Variants in CSRNP2 observed in about 807,000 individuals in gnomAD.
CSRNP2 encodes the protein cysteine/serine-rich nuclear protein 2.
Under a neutral mutation model 36.6 loss-of-function variants are expected in CSRNP2, and 11 were observed. That is an observed-to-expected ratio of 0.30 (90% CI 0.19 to 0.50). The LOEUF is 0.50. Ranked by LOEUF, CSRNP2 falls within the 20% of genes least tolerant of loss-of-function variation. CSRNP2 has a pLI of 0.98. For missense variants in CSRNP2, 483 were observed against 691.4 expected, an observed-to-expected ratio of 0.70 and a Z score of 3.38; for synonymous variants, 248 against 275.3, an observed-to-expected ratio of 0.90 and a Z score of 0.98.
intron 4 of CSRNP2, among the ~76,000 whole-genome samples, 182 bp from the exon 5 acceptor site, chr12:51,064,851 C>T (rs1260725825): frequency 6.6e-6 from 1 of 152,098 alleles, no homozygotes; most frequent in Non-Finnish European, 1.5e-5. Flanking sequence ...GTTATCAGAC[C>T]ACTTGCATTT....
intron 1 of CSRNP2, among the ~76,000 whole-genome samples, chr12:51,081,190 AG>A (rs1213164146): frequency 2.0e-5 from 3 of 152,192 alleles, no homozygotes; most frequent in African/African-American, 7.2e-5. Context: ...TGGGAGGCTA[AG>A]GCGGGAGGAT....
chr12:51,082,782 C>T (rs958210842), intron 1 of CSRNP2: 3 of 152,142 alleles, frequency 2.0e-5, no homozygotes, highest in Non-Finnish European at 4.4e-5. Flanking sequence ...CATCAGGAAC[C>T]GGAGCGAAGG....
In CSRNP2 at chr12:51,063,299, A is replaced by G. The variant is rs1937760323; in HGVS notation, c.*447T>C. 1 of 152,616 alleles carries G rather than the reference A, an allele frequency of 6.6e-6. No individual in the cohort carries two copies. Among genetic ancestry groups the G allele is most frequent in the Non-Finnish European group, 1.5e-5 (1 of 68,410 alleles). 9.5% of individuals were successfully genotyped at this position (152,616 alleles called of 1,614,324 possible). A position where few individuals can be genotyped will look rare whatever the true frequency, so the allele number is the denominator to read the frequency against. ...TCGACCAGGTGACTTTCCAGTTTGA[A>G]GTATTATGACACACCAAAATGGGAT... On this transcript the variant is annotated 3_prime_UTR_variant, in exon 5 of 5. Coordinates refer to ENST00000228515, the MANE Select transcript of CSRNP2 (RefSeq NM_030809.3).
At position 51,061,243 on chromosome 12, in the gene CSRNP2, C is replaced by CTCT. The variant is rs1259680589; in HGVS notation, c.*2500_*2502dup. Reference sequence around the variant, plus strand: ...TTCTTTAATATTACATTTAAATATTCTCTTTAAATACAGCATTATCACAAT... The same window carrying CTCT: ...TTCTTTAATATTACATTTAAATATTCTCTTCTTTAAATACAGCATTATCACAAT... On this transcript the variant is annotated 3_prime_UTR_variant, in exon 5 of 5. Transcript: ENST00000228515. The CTCT allele has an allele frequency of 6.6e-6, 1 of 152,502 alleles. No individual in the cohort carries two copies. Among genetic ancestry groups the CTCT allele is most frequent in the Non-Finnish European group, 1.5e-5 (1 of 68,028 alleles). 9.4% of individuals were successfully genotyped at this position (152,502 alleles called of 1,614,324 possible).
rs1168350105 is a variant in CSRNP2, at chr12:51,076,611, C to T, written c.-50G>A. The T allele has an allele frequency of 6.2e-7, 1 of 1,606,906 alleles. No individual in the cohort carries two copies. Among genetic ancestry groups the T allele is most frequent in the East Asian group, 2.2e-5 (1 of 44,796 alleles). ...GAGCCCACCAAGTTGGCCCCAAAGC[C>T]CCTACTCACCACCAGCTAGCCAGGT... On this transcript the variant is annotated 5_prime_UTR_variant, in exon 2 of 5. Coordinates refer to ENST00000228515, the MANE Select transcript of CSRNP2 (RefSeq NM_030809.3).
rs186392323 is a variant in CSRNP2 at position 51,061,230 on chromosome 12, A to C, written c.*2516T>G. The C allele has an allele frequency of 5.9e-5, 9 of 152,728 alleles. No individual in the cohort carries two copies. In the East Asian group the frequency reaches 1.3e-3, roughly 23 times the overall value. The allele number at this position is 152,728 out of a possible 1,614,324, so 9.5% of individuals were successfully genotyped here. A position where few individuals can be genotyped will look rare whatever the true frequency, so the allele number is the denominator to read the frequency against. On this transcript the variant is annotated 3_prime_UTR_variant, in exon 5 of 5. Transcript: ENST00000228515. ...TTCTTTTGAATATTTCTTTAATATTACATTTAAATATTCTCTTTAAATACA... is the reference window on the plus strand; with the variant it reads ...TTCTTTTGAATATTTCTTTAATATTCCATTTAAATATTCTCTTTAAATACA...
At chr12:51,079,420 AG>A (rs1398407040) in intron 1 of CSRNP2, among the ~76,000 whole-genome samples, 1 of 151,134 alleles carries the variant, frequency 6.6e-6, no homozygotes, top group Non-Finnish European at 1.5e-5. Context: ...TGTAGCGGGG[AG>A]GGGGAGCCCC....
chr12:51,073,038 T>C (rs191271347), intron 3 of CSRNP2, among the ~76,000 whole-genome samples: 122 of 152,066 alleles, frequency 8.0e-4, no homozygotes, highest in Non-Finnish European at 1.5e-3. Context: ...CTGGGCAACG[T>C]TGCAAGATCC....
chr12:51,064,134 C>G lies in CSRNP2; in HGVS notation c.1244G>C (p.Gly415Ala). The G allele has an allele frequency of 1.2e-6, 2 of 1,614,186 alleles. No individual in the cohort carries two copies. The highest frequency in any genetic ancestry group is 1.7e-6 in the Non-Finnish European group (2 of 1,180,042). The stretch of plus-strand genomic sequence containing the variant: ...CTCCACTTGATAATAGACCAGGGGC[C>G]CACTGTTCAAGTAGGATGGGCTGTT... ...TVNSPSYLNS[G>A]PLVYYQVEQR... The change falls in exon 5 of 5, where the codon GGG (glycine) becomes GCG (alanine). Residue 415 changes from glycine (G) to alanine (A), a missense_variant. By Grantham distance (60) the Gly-to-Ala change is moderately conservative (BLOSUM62 0). Around this residue, in one of 2 missense-constraint regions of CSRNP2, gnomAD observed 277 missense variants for 323.6 expected, o/e 0.86. Coordinates refer to ENST00000228515, the MANE Select transcript of CSRNP2 (RefSeq NM_030809.3).
At chr12:51,082,284 G>A (rs112017092) in intron 1 of CSRNP2, among the ~76,000 whole-genome samples, 18 of 152,074 alleles carry the variant, frequency 1.2e-4, no homozygotes, top group African/African-American at 4.1e-4. Flanking sequence ...AAAGAAAGCC[G>A]TGCACTCACC....
intron 3 of CSRNP2, 71 bp downstream of exon 3, chr12:51,073,752 T>C (rs1057187111): frequency 2.8e-5 from 39 of 1,374,764 alleles, no homozygotes; most frequent in African/African-American, 9.0e-5. Flanking sequence ...AAAAAATCAA[T>C]CAACCAACCA....
In CSRNP2 at chr12:51,064,295, T is replaced by C; in HGVS notation, c.1083A>G (p.Leu361=). ...CTTCGGGGACAGCCAGAGGCTCCTC[T>C]AGGATGCACACACCCAGGCTCTCGA... The part of the protein sequence containing the change: ...SSIESLGVCI[L]EEPLAVPEEL... Residue 361 remains leucine, a synonymous_variant, in exon 5 of 5, where the codon CTA becomes CTG. Coordinates refer to ENST00000228515, the MANE Select transcript of CSRNP2 (RefSeq NM_030809.3). 6.2e-7 allele frequency: 1 copy of C among 1,613,576 alleles called. No homozygotes were observed. Among genetic ancestry groups the C allele is most frequent in the Non-Finnish European group, 8.5e-7 (1 of 1,179,748 alleles).
Position 51,076,394 on chromosome 12 carries a change from C to T in CSRNP2, c.151+17G>A, listed in dbSNP as rs756653540. The T allele has an allele frequency of 3.8e-5, 62 of 1,613,084 alleles. No homozygotes were observed. The Admixed American group carries it at 6.3e-4, about 16-fold the overall frequency. ...TGGGGAATGTGGGTATAGGCAGGGA[C>T]GGAGCAGCTTACTCACGTGTGAAGC... On this transcript the variant is annotated intron_variant, in intron 2 of 4. Transcript: ENST00000228515.
chr12:51,063,697 A>C lies in CSRNP2; in HGVS notation c.*49T>G. On this transcript the variant is annotated 3_prime_UTR_variant, in exon 5 of 5. Coordinates refer to ENST00000228515, the MANE Select transcript of CSRNP2 (RefSeq NM_030809.3). The stretch of plus-strand genomic sequence containing the variant: ...TTGTTTTGAAATGGTGTTAGATAAA[A>C]TAAGGGAATAAATAGAGAATGGGTA... The C allele has an allele frequency of 7.2e-7, 1 of 1,390,136 alleles. No individual in the cohort carries two copies. The highest frequency in any genetic ancestry group is 9.6e-7 in the Non-Finnish European group (1 of 1,041,368). 86.1% of individuals were successfully genotyped at this position (1,390,136 alleles called of 1,614,324 possible). A position where few individuals can be genotyped will look rare whatever the true frequency, so the allele number is the denominator to read the frequency against.
chr12:51,080,127 AGCAGGCAGGCAGGCAG>A (rs138392211), intron 1 of CSRNP2, among the ~76,000 whole-genome samples: 3,162 of 137,896 alleles, frequency 0.023, 133 homozygotes, highest in African/African-American at 0.079. Flanking sequence ...GAAGAAGGCA[AGCAGGCAGGCAGGCAG>A]GCAGGCAGGC....
chr12:51,069,663 T>A (rs1263713793), intron 3 of CSRNP2, among the ~76,000 whole-genome samples: 1 of 150,044 alleles, frequency 6.7e-6, no homozygotes, highest in Non-Finnish European at 1.5e-5. Flanking sequence ...GCGTACTATG[T>A]ACAGGCAGAA....
chr12:51,082,227 A>G (rs936935794), intron 1 of CSRNP2, among the ~76,000 whole-genome samples: 6 of 152,162 alleles, frequency 3.9e-5, no homozygotes, highest in Admixed American at 1.3e-4. Context: ...AGGATCATGA[A>G]CTTACAAAGC....
At position 51,063,820 on chromosome 12, in the gene CSRNP2, T is replaced by C; in HGVS notation, c.1558A>G (p.Met520Val). 2 of 1,611,892 alleles carry C rather than the reference T, an allele frequency of 1.2e-6. No individual in the cohort carries two copies. Among genetic ancestry groups the C allele is most frequent in the Non-Finnish European group, 1.7e-6 (2 of 1,178,994 alleles). ...TCATTCTGCTGGGAGGTCTTCACCATCCCACAGCCCTCTTCATTGTCCGTG... is the reference window on the plus strand; with the variant it reads ...TCATTCTGCTGGGAGGTCTTCACCACCCCACAGCCCTCTTCATTGTCCGTG... ...FRTDNEEGCGMVKTSQQNEDR... is the reference protein window; with the variant it reads ...FRTDNEEGCGVVKTSQQNEDR... The change falls in exon 5 of 5, where the codon ATG (methionine) becomes GTG (valine). Residue 520 changes from methionine to valine, a missense_variant. Around this residue, in one of 2 missense-constraint regions of CSRNP2, gnomAD observed 277 missense variants for 323.6 expected, o/e 0.86. Transcript: ENST00000228515.
Position 51,063,771 on chromosome 12 carries a change from GA to G in CSRNP2, c.1606del (p.Ser536ProfsTer2). The stretch of plus-strand genomic sequence containing the variant: ...TCACACTGCCAGAGGGAGTTCTAAG[GA>G]AGAATCTTCAGGGGGCCGATCCTCA... ...QNEDRPPEDSSLELPLAV is the reference protein window; with the variant it reads ...QNEDRPPEDSXLELPLAV On this transcript the variant is annotated frameshift_variant, in exon 5 of 5. Coordinates refer to ENST00000228515, the MANE Select transcript of CSRNP2 (RefSeq NM_030809.3). LOFTEE classifies it high-confidence loss of function. The G allele has an allele frequency of 1.3e-6, 2 of 1,576,350 alleles. No individual in the cohort carries two copies. The highest frequency in any genetic ancestry group is 8.6e-7 in the Non-Finnish European group (1 of 1,160,918).
Sources: gnomAD v4.1 joint callset for allele counts (sites outside exome capture counted in the v4.1 genomes callset) on GRCh38, gnomAD v4.1.1 for gene constraint, gnomAD v4.1.1 regional missense constraint, MANE v1.5 for transcripts, NCBI Gene and HGNC (gene_info 2026-07-23, HGNC 2026-07-21) for gene names.